PXYLP1: variants seen among roughly 807,000 people sequenced by gnomAD.
The protein encoded by PXYLP1 is acid phosphatase-like 2.
A neutral mutation model predicts 37.9 loss-of-function variants in PXYLP1; 17 were observed. The ratio of observed to expected loss-of-function variants is 0.45; its 90% CI spans 0.31 to 0.67. The LOEUF is 0.67. Among genes scored for constraint, PXYLP1 ranks in the 30% least tolerant of loss-of-function variants. The pLI, the probability that PXYLP1 is intolerant of heterozygous loss-of-function variation, is 0.07. For synonymous variants in PXYLP1, 221 were observed against 232.2 expected, an observed-to-expected ratio of 0.95 and a Z score of 0.44; for missense variants, 511 against 612.0, an observed-to-expected ratio of 0.84 and a Z score of 1.74.
At position 141,234,514 on chromosome 3, in the gene PXYLP1, C is replaced by G. The variant is rs533977449; in HGVS notation, c.-54+2603C>G. 2.0e-4 allele frequency among the ~76,000 whole-genome samples: 31 copies of G among 152,312 alleles called. 1 individual carries two copies. In the East Asian group the frequency reaches 6.0e-3, roughly 29 times the overall value. ...GCCCCACTGGCCACTTCAGATTGCA[C>G]CATCCCCACTCCAGTGGGTGTTGCT... On this transcript the variant is annotated intron_variant, in intron 1 of 5. Transcript: ENST00000286353.
Position 141,293,717 on chromosome 3 carries a change from A to G in PXYLP1, c.*512A>G, listed in dbSNP as rs139214886. On this transcript the variant is annotated 3_prime_UTR_variant, in exon 6 of 6. Transcript: ENST00000286353. The stretch of plus-strand genomic sequence containing the variant: ...CAAAAGGCCACATACAGTCTCTGTC[A>G]TAACTACTCAACTCTGTTTCTGAAG... The G allele has an allele frequency of 1.9e-5, 3 of 157,606 alleles. No individual in the cohort carries two copies. Among genetic ancestry groups the G allele is most frequent in the African/African-American group, 7.2e-5 (3 of 41,606 alleles). 9.8% of individuals were successfully genotyped at this position (157,606 alleles called of 1,614,324 possible). A position where few individuals can be genotyped will look rare whatever the true frequency, so the allele number is the denominator to read the frequency against.
At chr3:141,238,512 A>G (rs991539219) in intron 1 of PXYLP1, among the ~76,000 whole-genome samples, 39 of 152,220 alleles carry the variant, frequency 2.6e-4, no homozygotes, top group African/African-American at 8.2e-4. Context: ...CTTCATACCG[A>G]TAAGTCAGCA....
At chr3:141,257,767 G>C (rs554914814) in intron 1 of PXYLP1, among the ~76,000 whole-genome samples, 1 of 152,192 alleles carries the variant, frequency 6.6e-6, no homozygotes, top group African/African-American at 2.4e-5. Flanking sequence ...TCGGGTGTGT[G>C]GTGGCAGCCA....
At chr3:141,240,376 T>C (rs1940765793) in intron 1 of PXYLP1, among the ~76,000 whole-genome samples, 1 of 152,114 alleles carries the variant, frequency 6.6e-6, no homozygotes, top group Non-Finnish European at 1.5e-5. Flanking sequence ...TGCTTGGGGC[T>C]TTCCTCCAAG....
intron 4 of PXYLP1, among the ~76,000 whole-genome samples, chr3:141,281,003 G>C (rs557476350): frequency 1.6e-4 from 25 of 152,270 alleles, no homozygotes; most frequent in Non-Finnish European, 2.9e-4. Context: ...TAAGGAAGGT[G>C]CTATTTTAAC....
chr3:141,262,618 T>A (rs1199955163), intron 2 of PXYLP1: 3 of 1,478,428 alleles, frequency 2.0e-6, no homozygotes, highest in Non-Finnish European at 1.8e-6. Context: ...TTAAGGAAAA[T>A]TTTGCAGGGT....
chr3:141,260,011 G>A (rs954032810), intron 1 of PXYLP1, 112 bp from the exon 2 acceptor site: 11 of 709,236 alleles, frequency 1.6e-5, no homozygotes, highest in African/African-American at 3.6e-5. Flanking sequence ...CTTCCCTGCC[G>A]GGGGACTGGG....
At chr3:141,274,518 T>C (rs1941744218) in intron 2 of PXYLP1, 1 of 1,494,708 alleles carries the variant, frequency 6.7e-7, no homozygotes, top group Admixed American at 2.0e-5. Flanking sequence ...CCTGTTTGGA[T>C]GCCCCTCACC....
At chr3:141,266,012 G>A (rs963445858) in intron 2 of PXYLP1, among the ~76,000 whole-genome samples, 2 of 152,184 alleles carry the variant, frequency 1.3e-5, no homozygotes, top group African/African-American at 4.8e-5. Context: ...TGGATGCAGT[G>A]TCCTGCCTAA....
chr3:141,242,369 G>A (rs1175481469), intron 1 of PXYLP1, among the ~76,000 whole-genome samples: 1 of 152,188 alleles, frequency 6.6e-6, no homozygotes, highest in East Asian at 1.9e-4. Context: ...CCCATATAAG[G>A]CAGGACACCC....
intron 1 of PXYLP1, among the ~76,000 whole-genome samples, chr3:141,247,474 C>G (rs1045161496): frequency 6.6e-6 from 1 of 152,226 alleles, no homozygotes; most frequent in Non-Finnish European, 1.5e-5. Context: ...GATTACTTGT[C>G]CTCTGGCTTA....
chr3:141,260,245 C>T lies in PXYLP1; in HGVS notation c.70C>T (p.Leu24=), dbSNP rs367551091. 3.8e-5 allele frequency: 61 copies of T among 1,613,034 alleles called. No homozygotes were observed. The East Asian group carries it at 7.8e-4, about 21-fold the overall frequency. Residue 24 remains leucine, a synonymous_variant, in exon 2 of 6, where the codon CTG becomes TTG. Transcript: ENST00000286353. ...GCTGCTGGCCTTTGTGAGCCTCAGCCTGCAGTTCTGTGAGTAGAGCCGGGC... is the reference window on the plus strand; with the variant it reads ...GCTGCTGGCCTTTGTGAGCCTCAGCTTGCAGTTCTGTGAGTAGAGCCGGGC... ...AALLAFVSLS[L]QFFHLIPVST...
chr3:141,280,102 T>G (rs1362304672), intron 4 of PXYLP1, among the ~76,000 whole-genome samples: 13 of 152,256 alleles, frequency 8.5e-5, no homozygotes, highest in Admixed American at 8.5e-4. Flanking sequence ...GGAAATGGCA[T>G]GGCTCTAAAA....
In PXYLP1 at chr3:141,239,518, GA is replaced by G. The variant is rs1210004675; in HGVS notation, c.-54+7608del. 1.1e-4 allele frequency among the ~76,000 whole-genome samples: 5 copies of G among 45,132 alleles called. No homozygotes were observed. In the African/African-American group the frequency reaches 1.3e-3, roughly 12 times the overall value. 29.6% of individuals were successfully genotyped at this position (45,132 alleles called of 152,430 possible). On this transcript the variant is annotated intron_variant, in intron 1 of 5. Coordinates refer to ENST00000286353, the MANE Select transcript of PXYLP1 (RefSeq NM_001037172.3). Reference sequence around the variant, plus strand: ...TAGCATTGCTAAGTTAGCAGCATATGATTTTTTTTCTCTTGTGCATCTTGCT... The same window carrying G: ...TAGCATTGCTAAGTTAGCAGCATATGTTTTTTTTCTCTTGTGCATCTTGCT...
chr3:141,276,647 A>G (rs956055742), intron 2 of PXYLP1, among the ~76,000 whole-genome samples: 4 of 152,194 alleles, frequency 2.6e-5, no homozygotes, highest in Admixed American at 6.5e-5. Context: ...GGGCATCGCT[A>G]TCTTTATAGA....
At chr3:141,251,129 A>G (rs1370338002) in intron 1 of PXYLP1, among the ~76,000 whole-genome samples, 1 of 152,256 alleles carries the variant, frequency 6.6e-6, no homozygotes, top group Non-Finnish European at 1.5e-5. Flanking sequence ...TAGATCGGAA[A>G]TTGGTTTGTC....
At chr3:141,237,918 G>T (rs1940700071) in intron 1 of PXYLP1, among the ~76,000 whole-genome samples, 1 of 152,200 alleles carries the variant, frequency 6.6e-6, no homozygotes, top group Non-Finnish European at 1.5e-5. Flanking sequence ...CATGCTGGTT[G>T]TTTTAACTGT....
chr3:141,262,996 C>T (rs1576589382), intron 2 of PXYLP1, among the ~76,000 whole-genome samples: 1 of 152,052 alleles, frequency 6.6e-6, no homozygotes, highest in Non-Finnish European at 1.5e-5. Flanking sequence ...AAGTATAACT[C>T]GGTTTTCTCA....
chr3:141,278,527 G>C (rs1218719250), intron 3 of PXYLP1, 27 bp downstream of exon 3: 4 of 1,612,892 alleles, frequency 2.5e-6, no homozygotes, highest in Non-Finnish European at 3.4e-6. Flanking sequence ...CACCAGGACA[G>C]ATACCCCTTT....
Sources: allele counts gnomAD v4.1 joint callset (sites outside exome capture counted in the v4.1 genomes callset), GRCh38; gene constraint gnomAD v4.1.1; transcripts MANE v1.5; gene names NCBI Gene and HGNC (gene_info 2026-07-23, HGNC 2026-07-21).